SLCO5A1: variants seen among roughly 807,000 people sequenced by gnomAD.
The protein encoded by SLCO5A1 is organic anion transporter polypeptide-related protein 4.
In SLCO5A1, 39 loss-of-function variants were observed where a neutral mutation model predicts 65.1. That is an observed-to-expected ratio of 0.60 (90% confidence interval 0.46 to 0.78). SLCO5A1 has a LOEUF of 0.78. Among genes scored for constraint, SLCO5A1 ranks in the 30% least tolerant of loss-of-function variants. The pLI, the probability that SLCO5A1 is intolerant of heterozygous loss-of-function variation, is 0.00. For synonymous variants in SLCO5A1, 438 were observed against 415.7 expected, an observed-to-expected ratio of 1.05 and a Z score of -0.65; for missense variants, 1,029 against 1,069.4, an observed-to-expected ratio of 0.96 and a Z score of 0.53.
intron 2 of SLCO5A1, among the ~76,000 whole-genome samples, chr8:69,827,914 C>T (rs115689313): frequency 1.6e-3 from 246 of 152,298 alleles, no homozygotes; most frequent in African/African-American, 5.8e-3. Flanking sequence ...CTGCATTCTT[C>T]TGCGCTGTTG....
chr8:69,748,582 C>A (rs1166112605), intron 4 of SLCO5A1, among the ~76,000 whole-genome samples: 1 of 152,142 alleles, frequency 6.6e-6, no homozygotes, highest in African/African-American at 2.4e-5. Flanking sequence ...TAAATGTGGC[C>A]ATAAGACTTT....
rs72660154 is a variant in SLCO5A1 at position 69,719,363 on chromosome 8, G to A, written c.1424-14134C>T. 5.6e-3 allele frequency among the ~76,000 whole-genome samples: 856 copies of A among 152,222 alleles called. 5 individuals carry two copies. The highest frequency in any genetic ancestry group is 9.8e-3 in the Non-Finnish European group (666 of 68,006). On this transcript the variant is annotated intron_variant, in intron 5 of 9. Coordinates refer to ENST00000260126, the MANE Select transcript of SLCO5A1 (RefSeq NM_030958.3). ...AACATACTCTAGGAATCTAATGGTC[G>A]GAGCATCTGTGGAGAACATCAACCC...
chr8:69,758,165 T>C (rs907506620), intron 3 of SLCO5A1, among the ~76,000 whole-genome samples: 2 of 152,180 alleles, frequency 1.3e-5, no homozygotes, highest in African/African-American at 4.8e-5. Context: ...TCTGGTTTGC[T>C]TTTTAATTAA....
At chr8:69,762,142 CTTTCTTTCT>C (rs1817811547) in intron 2 of SLCO5A1, among the ~76,000 whole-genome samples, 1 of 38,500 alleles carries the variant, frequency 2.6e-5, no homozygotes, top group African/African-American at 7.6e-5. Context: ...TTCTTTCTTT[CTTTCTTTCT>C]TTCTTTCTTT....
chr8:69,704,202 T>G (rs1255619955), intron 6 of SLCO5A1, among the ~76,000 whole-genome samples: 4 of 152,228 alleles, frequency 2.6e-5, no homozygotes, highest in Non-Finnish European at 5.9e-5. Context: ...GCACCAGCCA[T>G]GAGCCTTTTT....
intron 4 of SLCO5A1, among the ~76,000 whole-genome samples, chr8:69,754,119 T>C (rs1429072571): frequency 6.6e-6 from 1 of 151,344 alleles, no homozygotes; most frequent in African/African-American, 2.4e-5. Context: ...ATAGTAGCCA[T>C]AATGGTCTAC....
At chr8:69,674,875 A>G (rs906005971) in intron 9 of SLCO5A1, among the ~76,000 whole-genome samples, 1 of 150,262 alleles carries the variant, frequency 6.7e-6, no homozygotes, top group African/African-American at 2.4e-5. Flanking sequence ...AAAAACAAAA[A>G]AAAAAAATGC....
chr8:69,824,990 T>C (rs907687858), intron 2 of SLCO5A1, among the ~76,000 whole-genome samples: 6 of 152,100 alleles, frequency 3.9e-5, no homozygotes, highest in South Asian at 2.1e-4. Flanking sequence ...AATCAATAAA[T>C]GTAATCCAGC....
chr8:69,791,904 A>T (rs1453232167), intron 2 of SLCO5A1, among the ~76,000 whole-genome samples: 2 of 152,264 alleles, frequency 1.3e-5, no homozygotes, highest in Non-Finnish European at 2.9e-5. Context: ...GATAAACAAC[A>T]TTATAAATAG....
chr8:69,798,769 G>A (rs1228332272), intron 2 of SLCO5A1, among the ~76,000 whole-genome samples: 3 of 152,184 alleles, frequency 2.0e-5, no homozygotes, highest in Non-Finnish European at 4.4e-5. Context: ...ATGTGGAGGA[G>A]GAACACGAGG....
intron 2 of SLCO5A1, among the ~76,000 whole-genome samples, chr8:69,780,073 G>A (rs1257864667): frequency 6.6e-6 from 1 of 152,040 alleles, no homozygotes; most frequent in African/African-American, 2.4e-5. Flanking sequence ...TTAATAATCA[G>A]AGAAATGCAA....
intron 5 of SLCO5A1, among the ~76,000 whole-genome samples, chr8:69,729,446 C>CAAAAAAAAAAAAAA (rs56392223): frequency 1.2e-5 from 1 of 80,484 alleles, no homozygotes; most frequent in Non-Finnish European, 2.2e-5. Flanking sequence ...TCCGTCCCAA[C>CAAAAAAAAAAAAAA]AAAAAAAAAA....
intron 5 of SLCO5A1, among the ~76,000 whole-genome samples, chr8:69,725,473 ATGTATGT>A (rs1237819752): frequency 2.0e-5 from 3 of 152,042 alleles, no homozygotes; most frequent in Admixed American, 6.6e-5. Flanking sequence ...GTATGTATGT[ATGTATGT>A]ATGTATGTAT....
rs185378900 is a variant in SLCO5A1, at chr8:69,697,305, G to C, written c.1622+7726C>G. On this transcript the variant is annotated intron_variant, in intron 6 of 9. Transcript: ENST00000260126. ...CTCGGGAGGCTGAGGCAGGAGAATCGCTTGAACCCGGGAGGTGGAGGTTGC... is the reference window on the plus strand; with the variant it reads ...CTCGGGAGGCTGAGGCAGGAGAATCCCTTGAACCCGGGAGGTGGAGGTTGC... Among the ~76,000 whole-genome samples the C allele has an allele frequency of 3.9e-3, 600 of 152,182 alleles. 3 individuals are homozygous for C. The highest frequency in any genetic ancestry group is 4.5e-3 in the Non-Finnish European group (309 of 68,002).
chr8:69,830,578 T>C (rs1434774856), intron 2 of SLCO5A1, among the ~76,000 whole-genome samples: 1 of 152,226 alleles, frequency 6.6e-6, no homozygotes, highest in Non-Finnish European at 1.5e-5. Flanking sequence ...AAAAATCTCA[T>C]CTGGTATGAC....
intron 2 of SLCO5A1, among the ~76,000 whole-genome samples, chr8:69,783,144 A>G (rs1309876226): frequency 6.6e-6 from 1 of 152,154 alleles, no homozygotes; most frequent in Non-Finnish European, 1.5e-5. Context: ...ATTATTATAT[A>G]TAACTTTATA....
At chr8:69,792,380 C>T (rs1003156978) in intron 2 of SLCO5A1, among the ~76,000 whole-genome samples, 3 of 151,956 alleles carry the variant, frequency 2.0e-5, no homozygotes, top group Non-Finnish European at 4.4e-5. Flanking sequence ...AGGAAAAGAC[C>T]GTAAATAAGG....
At chr8:69,775,617 A>C (rs1422111478) in intron 2 of SLCO5A1, among the ~76,000 whole-genome samples, 1 of 152,226 alleles carries the variant, frequency 6.6e-6, no homozygotes, top group Non-Finnish European at 1.5e-5. Flanking sequence ...TTTTCATAAA[A>C]AGTTAAGGAT....
At chr8:69,733,707 G>A (rs1162492617) in intron 5 of SLCO5A1, among the ~76,000 whole-genome samples, 1 of 152,172 alleles carries the variant, frequency 6.6e-6, no homozygotes, top group Admixed American at 6.5e-5. Flanking sequence ...AGTTTTTCCT[G>A]CTCTTCCTCA....
Sources: gnomAD v4.1 joint callset for allele counts (sites outside exome capture counted in the v4.1 genomes callset) on GRCh38, gnomAD v4.1.1 for gene constraint, MANE v1.5 for transcripts, NCBI Gene and HGNC (gene_info 2026-07-23, HGNC 2026-07-21) for gene names.